The following TLN2 variants were observed in gnomAD, a reference collection of about 807,000 sequenced individuals.
The protein encoded by TLN2 is talin-2.
In TLN2, 118 loss-of-function variants were observed where a neutral mutation model predicts 294.7. The ratio of observed to expected loss-of-function variants is 0.40; its 90% CI spans 0.34 to 0.47. The LOEUF is 0.47. Among genes scored for constraint, TLN2 ranks in the 20% least tolerant of loss-of-function variants. TLN2 has a pLI of 0.84. For missense variants in TLN2, 3,083 were observed against 3,282.2 expected (o/e 0.94, Z 1.48); for synonymous variants, 1,431 against 1,304.5 (o/e 1.10, Z -2.09).
intron 1 of TLN2, among the ~76,000 whole-genome samples, chr15:62,418,077 G>A (rs553952439): frequency 6.6e-6 from 1 of 152,362 alleles, no homozygotes; most frequent in African/African-American, 2.4e-5. Flanking sequence ...CTGTGGACAA[G>A]TTCCCATTGT....
chr15:62,409,566 A>G (rs757358317), intron 1 of TLN2, among the ~76,000 whole-genome samples: 12 of 152,352 alleles, frequency 7.9e-5, no homozygotes, highest in Admixed American at 3.3e-4. Context: ...TTAAAAAGTT[A>G]CATTCATTGT....
intron 8 of TLN2, among the ~76,000 whole-genome samples, chr15:62,657,413 A>C (rs1177660650): frequency 6.6e-6 from 1 of 152,118 alleles, no homozygotes; most frequent in Non-Finnish European, 1.5e-5. Context: ...AGGATTGTAA[A>C]AAGTACACTG....
At chr15:62,618,914 T>C (rs75131383) in intron 3 of TLN2, among the ~76,000 whole-genome samples, 14,084 of 152,214 alleles carry the variant, frequency 0.093, 831 homozygotes, top group East Asian at 0.15. Context: ...GTTAATGTTA[T>C]AAACTAAACT....
At chr15:62,495,922 C>T (rs2038989158) in intron 1 of TLN2, among the ~76,000 whole-genome samples, 1 of 151,524 alleles carries the variant, frequency 6.6e-6, no homozygotes, top group Admixed American at 6.6e-5. Context: ...TCATGGATGA[C>T]CTCTTATCTG....
chr15:62,751,832 A>C (rs1474119446), intron 34 of TLN2, among the ~76,000 whole-genome samples: 1 of 152,252 alleles, frequency 6.6e-6, no homozygotes, highest in Non-Finnish European at 1.5e-5. Context: ...TGATTTTCAA[A>C]ATAAGGCAAA....
chr15:62,440,990 T>TA (rs2035517652), intron 1 of TLN2, among the ~76,000 whole-genome samples: 1 of 152,338 alleles, frequency 6.6e-6, no homozygotes, highest in African/African-American at 2.4e-5. Context: ...TGGTATATAA[T>TA]ACATAGCTGG....
At chr15:62,557,511 G>A (rs894852086) in intron 1 of TLN2, among the ~76,000 whole-genome samples, 1 of 152,170 alleles carries the variant, frequency 6.6e-6, no homozygotes, top group Non-Finnish European at 1.5e-5. Flanking sequence ...AAAGCCAAAG[G>A]CTTAGAATGT....
chr15:62,481,773 A>G (rs2140385089), intron 1 of TLN2, among the ~76,000 whole-genome samples: 1 of 150,310 alleles, frequency 6.7e-6, no homozygotes, highest in African/African-American at 2.4e-5. Context: ...TAAAGACTAC[A>G]TATTATTTTT....
intron 1 of TLN2, among the ~76,000 whole-genome samples, chr15:62,469,679 C>T (rs1049543459): frequency 6.6e-6 from 1 of 152,166 alleles, no homozygotes; most frequent in Non-Finnish European, 1.5e-5. Context: ...TCTTGAGAGC[C>T]ACCCACAAGC....
At chr15:62,823,007 G>C (rs2067711878) in intron 54 of TLN2, among the ~76,000 whole-genome samples, 1 of 152,172 alleles carries the variant, frequency 6.6e-6, no homozygotes, top group Admixed American at 6.5e-5. Context: ...CAGTACTCTA[G>C]GATCATATAG....
At chr15:62,591,215 A>C (rs1383872416) in intron 2 of TLN2, among the ~76,000 whole-genome samples, 1 of 152,214 alleles carries the variant, frequency 6.6e-6, no homozygotes, top group Non-Finnish European at 1.5e-5. Flanking sequence ...TGTATTTAGC[A>C]TTATGAAAAT....
At chr15:62,541,407 G>T (rs1329234993) in intron 1 of TLN2, among the ~76,000 whole-genome samples, 1 of 152,062 alleles carries the variant, frequency 6.6e-6, no homozygotes, top group Non-Finnish European at 1.5e-5. Context: ...TCTGTTTCCG[G>T]CCTGGAATTT....
Position 62,717,652 on chromosome 15 carries a change from A to G in TLN2, c.2840A>G (p.Asn947Ser). 1 of 1,604,296 alleles carries G rather than the reference A, an allele frequency of 6.2e-7. No individual in the cohort carries two copies. Among genetic ancestry groups the G allele is most frequent in the Non-Finnish European group, 8.5e-7 (1 of 1,176,004 alleles). Reference sequence around the variant, plus strand: ...CAGAATGCAGCTGTTTCCAACAAGAACCCTGCGGCCCAGCAGCAGCTGGTC... The same window carrying G: ...CAGAATGCAGCTGTTTCCAACAAGAGCCCTGCGGCCCAGCAGCAGCTGGTC... ...ASQNAAVSNK[N>S]PAAQQQLVQS... The change falls in exon 24 of 59, where the codon AAC becomes AGC. Residue 947 changes from asparagine to serine, a missense_variant. Asn to Ser is a conservative substitution (Grantham distance 46, BLOSUM62 1). Coordinates refer to ENST00000636159, the MANE Select transcript of TLN2 (RefSeq NM_015059.3).
intron 32 of TLN2, among the ~76,000 whole-genome samples, chr15:62,741,748 C>CGCGTGTGTGTGTGTGTGTGT: frequency 0.012 from 1,587 of 131,136 alleles, 26 homozygotes; most frequent in Non-Finnish European, 0.018. Context: ...AAAATTTGCG[C>CGCGTGTGTGTGTGTGTGTGT]GTGTGTGTGT....
In TLN2 at chr15:62,581,523, G is replaced by T. The variant is rs2045027623; in HGVS notation, c.-237-8164G>T. Among the ~76,000 whole-genome samples the T allele has an allele frequency of 2.0e-5, 3 of 152,156 alleles. No individual in the cohort carries two copies. In the South Asian group the frequency reaches 6.2e-4, roughly 32 times the overall value. On this transcript the variant is annotated intron_variant, in intron 1 of 58. Transcript: ENST00000636159. ...GTGCTCTTTTAAAGGGTCCAAGTTG[G>T]AATGAAAGAGAATAAGAGCACGTTT...
intron 1 of TLN2, among the ~76,000 whole-genome samples, chr15:62,449,158 C>T (rs573656967): frequency 1.3e-5 from 2 of 152,256 alleles, no homozygotes; most frequent in East Asian, 3.9e-4. Context: ...TGGCTTAACT[C>T]GTCAACAGAA....
At chr15:62,396,389 G>A (rs1276139200) in intron 1 of TLN2, among the ~76,000 whole-genome samples, 3 of 152,122 alleles carry the variant, frequency 2.0e-5, no homozygotes, top group African/African-American at 7.2e-5. Context: ...GAAGTATCAC[G>A]CTTACTTTCT....
intron 11 of TLN2, 150 bp downstream of exon 11, chr15:62,675,471 C>T (rs137922067): frequency 1.1e-5 from 8 of 731,478 alleles, no homozygotes; most frequent in African/African-American, 1.1e-4. Context: ...GTTTAGCTGC[C>T]GCACAGGCAT....
chr15:62,473,147 T>A (rs1467031554), intron 1 of TLN2, among the ~76,000 whole-genome samples: 1 of 152,152 alleles, frequency 6.6e-6, no homozygotes, highest in Admixed American at 6.5e-5. Context: ...CACAGGACTG[T>A]CCCAGGGCGT....
Sources: gnomAD v4.1 joint callset for allele counts (sites outside exome capture counted in the v4.1 genomes callset) on GRCh38, gnomAD v4.1.1 for gene constraint, MANE v1.5 for transcripts, NCBI Gene and HGNC (gene_info 2026-07-23, HGNC 2026-07-21) for gene names.